Variants in RANBP2 observed in about 807,000 individuals in gnomAD.
The protein encoded by RANBP2 is RAN binding protein 2.
Under a neutral mutation model 303.6 loss-of-function variants are expected in RANBP2, and 57 were observed. That is an observed-to-expected ratio of 0.19 (90% CI 0.15 to 0.23). The LOEUF (loss-of-function observed/expected upper bound fraction) is 0.23. RANBP2 is among the 10% of genes least tolerant of loss of function. RANBP2 has a pLI of 1.00. For synonymous variants in RANBP2, 1,167 were observed against 1,301.5 expected, an observed-to-expected ratio of 0.90 and a Z score of 2.23; for missense variants, 3,138 against 3,780.8, an observed-to-expected ratio of 0.83 and a Z score of 4.46.
At chr2:109,500,807 T>A in the RANBP2 span, among the ~76,000 whole-genome samples, 6 of 151,984 alleles carry the variant, frequency 3.9e-5, no homozygotes, top group African/African-American at 1.4e-4. Context: ...AGAAATTGGC[T>A]GGGCATGGTG....
At chr2:109,129,564 G>T in the RANBP2 span, 1 of 1,490,136 alleles carries the variant, frequency 6.7e-7, no homozygotes, top group East Asian at 2.8e-5. Flanking sequence ...CGTCCTGGCT[G>T]TGCGCATCCA....
the RANBP2 span, among the ~76,000 whole-genome samples, chr2:109,082,951 G>A: frequency 6.6e-6 from 1 of 151,330 alleles, no homozygotes; most frequent in Non-Finnish European, 1.5e-5. Context: ...TCAGCCTCCT[G>A]AGTAGCTGGG....
At chr2:109,603,740 GC>G in the RANBP2 span, among the ~76,000 whole-genome samples, 217 of 152,246 alleles carry the variant, frequency 1.4e-3, no homozygotes, top group African/African-American at 4.7e-3. Context: ...GCAAGAAAAG[GC>G]TTGAGCAGAG....
chr2:109,695,729 G>A, the RANBP2 span, among the ~76,000 whole-genome samples: 1 of 152,092 alleles, frequency 6.6e-6, no homozygotes, highest in Non-Finnish European at 1.5e-5. Flanking sequence ...CCATGGGACA[G>A]AGGTATAGGG....
chr2:108,935,269 A>G, the RANBP2 span, among the ~76,000 whole-genome samples: 1 of 152,172 alleles, frequency 6.6e-6, no homozygotes, highest in Non-Finnish European at 1.5e-5. Flanking sequence ...TACTGAGCTC[A>G]GACCCCAGCC....
chr2:108,898,556 C>T, the RANBP2 span, among the ~76,000 whole-genome samples: 1 of 152,112 alleles, frequency 6.6e-6, no homozygotes, highest in Non-Finnish European at 1.5e-5. Flanking sequence ...ATTCACTCAT[C>T]ATACCAAGAA....
chr2:109,396,127 T>C, the RANBP2 span, among the ~76,000 whole-genome samples: 9 of 152,188 alleles, frequency 5.9e-5, no homozygotes, highest in African/African-American at 2.2e-4. Context: ...TGTCTTCCTC[T>C]ATACCCTGTC....
the RANBP2 span, chr2:109,553,200 C>T: frequency 1.2e-6 from 2 of 1,613,914 alleles, no homozygotes; most frequent in Non-Finnish European, 1.7e-6. Flanking sequence ...TGTCTTTTGG[C>T]TTCATAGGTC....
the RANBP2 span, among the ~76,000 whole-genome samples, chr2:109,727,375 G>T: frequency 1.3e-5 from 2 of 152,242 alleles, no homozygotes; most frequent in South Asian, 2.1e-4. Context: ...CTATTTTTCA[G>T]ATGGGAAAAT....
At chr2:108,996,859 C>T in the RANBP2 span, among the ~76,000 whole-genome samples, 2 of 152,194 alleles carry the variant, frequency 1.3e-5, no homozygotes, top group Non-Finnish European at 2.9e-5. Flanking sequence ...CTCCTTCCAG[C>T]CTGTGGCCCC....
At chr2:109,088,183 G>A in the RANBP2 span, among the ~76,000 whole-genome samples, 2 of 151,976 alleles carry the variant, frequency 1.3e-5, no homozygotes, top group Admixed American at 6.6e-5. Flanking sequence ...CGGATCACAA[G>A]GTCAAGAGAT....
the RANBP2 span, among the ~76,000 whole-genome samples, chr2:109,160,003 C>T: frequency 1.3e-5 from 2 of 152,206 alleles, no homozygotes; most frequent in South Asian, 4.1e-4. Flanking sequence ...GCGCTTGAAT[C>T]ATCCCAAAAC....
the RANBP2 span, among the ~76,000 whole-genome samples, chr2:109,258,177 A>G: frequency 6.6e-6 from 1 of 152,212 alleles, no homozygotes; most frequent in Non-Finnish European, 1.5e-5. Flanking sequence ...GAGGCTTACG[A>G]AAGAGTAAAC....
At chr2:109,777,206 G>A in the RANBP2 span, among the ~76,000 whole-genome samples, 1 of 143,008 alleles carries the variant, frequency 7.0e-6, no homozygotes, top group African/African-American at 2.6e-5. Context: ...ATCAGGTTAA[G>A]GAAGTTTCCT....
chr2:109,632,855 A>G, the RANBP2 span, among the ~76,000 whole-genome samples: 4 of 151,850 alleles, frequency 2.6e-5, no homozygotes, highest in African/African-American at 9.7e-5. Context: ...CAAAACAAAA[A>G]CTTGACGTCC....
At chr2:109,252,325 GT>G in the RANBP2 span, among the ~76,000 whole-genome samples, 5 of 151,692 alleles carry the variant, frequency 3.3e-5, no homozygotes, top group South Asian at 6.2e-4. Context: ...AGTTTACATT[GT>G]TCAACAGAAG....
chr2:109,602,630 G>A, the RANBP2 span, among the ~76,000 whole-genome samples: 8 of 148,270 alleles, frequency 5.4e-5, no homozygotes, highest in East Asian at 6.0e-4. Context: ...AGCCGAGATC[G>A]CACCATTGCA....
chr2:108,858,990 G>T, the RANBP2 span, among the ~76,000 whole-genome samples: 3 of 152,166 alleles, frequency 2.0e-5, no homozygotes, highest in African/African-American at 4.8e-5. Context: ...GCATGAGAGT[G>T]CAGGTATCTT....
At chr2:109,347,467 G>A in the RANBP2 span, among the ~76,000 whole-genome samples, 2 of 152,044 alleles carry the variant, frequency 1.3e-5, no homozygotes, top group Non-Finnish European at 2.9e-5. Flanking sequence ...GGCTAGGATG[G>A]GGACCCTCTT....
Sources: gnomAD v4.1 joint callset for allele counts (sites outside exome capture counted in the v4.1 genomes callset) on GRCh38, gnomAD v4.1.1 for gene constraint, MANE v1.5 for transcripts, NCBI Gene and HGNC (gene_info 2026-07-23, HGNC 2026-07-21) for gene names.